Variants in PCDHGB4 observed in about 807,000 individuals in gnomAD.
The protein encoded by PCDHGB4 is protocadherin gamma-B4.
In PCDHGB4, 38 loss-of-function variants were observed where a neutral mutation model predicts 60.5. The observed-to-expected ratio is 0.63, with a 90% CI of 0.48 to 0.82. The LOEUF (loss-of-function observed/expected upper bound fraction) is 0.82. Ranked by LOEUF, PCDHGB4 falls within the 40% of genes least tolerant of loss-of-function variation. The probability of loss-of-function intolerance (pLI) is 0.00; values close to 1 mark genes in which losing one functional copy is unlikely to be tolerated. For synonymous variants in PCDHGB4, 456 were observed against 509.7 expected (o/e 0.89, Z 1.42); for missense variants, 1,109 against 1,209.6 (o/e 0.92, Z 1.23).
At position 141,477,019 on chromosome 5, in the gene PCDHGB4, C is replaced by T. The variant is rs148675327; in HGVS notation, c.2398-17788C>T. 1.9e-5 allele frequency: 30 copies of T among 1,614,242 alleles called. No individual in the cohort carries two copies. Among genetic ancestry groups the T allele is most frequent in the Non-Finnish European group, 2.5e-5 (30 of 1,180,048 alleles). On this transcript the variant is annotated intron_variant, in intron 1 of 3. Transcript: ENST00000519479. This position sits in a 1 kb window ranked among gnomAD's most constrained non-coding sequence, Gnocchi z 4.9. ...AACTATTCGCCTTAGACCTTGTAAC[C>T]GGGATGCTGACAATCAAGGGTCGGC...
rs1274502656 is a variant in PCDHGB4 at position 141,389,860 on chromosome 5, A to G, written c.1976A>G (p.His659Arg). 1.2e-6 allele frequency: 2 copies of G among 1,614,052 alleles called. No individual in the cohort carries two copies. Among genetic ancestry groups the G allele is most frequent in the African/African-American group, 2.7e-5 (2 of 75,072 alleles). ...CCACTCTCGGCCACTGCCACGTTGC[A>G]CCTGGTCTTCGCCGACAGCTTGCAG... ...QPPLSATATL[H>R]LVFADSLQEV... Residue 659 changes from histidine (H) to arginine (R), a missense_variant, in exon 1 of 4, where the codon CAC becomes CGC. His to Arg is a conservative substitution (Grantham distance 29). Transcript: ENST00000519479.
chr5:141,468,131 C>G (rs1006565854), intron 1 of PCDHGB4, among the ~76,000 whole-genome samples: 1 of 151,766 alleles, frequency 6.6e-6, no homozygotes, highest in African/African-American at 2.4e-5. Flanking sequence ...TTGAGACCAG[C>G]CTGGCCAACA....
intron 1 of PCDHGB4, chr5:141,403,694 C>A (rs746395931): frequency 2.5e-6 from 4 of 1,613,878 alleles, no homozygotes; most frequent in Admixed American, 1.7e-5. Context: ...ACGGATTTAC[C>A]GAGTTAAAGT....
chr5:141,478,927 C>T (rs2154577116), intron 1 of PCDHGB4: 2 of 690,162 alleles, frequency 2.9e-6, no homozygotes, highest in East Asian at 6.0e-5. Flanking sequence ...TAACCAGTGG[C>T]AGCTTCTAGG....
At chr5:141,509,096 T>C (rs1364889034) in intron 3 of PCDHGB4, among the ~76,000 whole-genome samples, 1 of 152,124 alleles carries the variant, frequency 6.6e-6, no homozygotes, top group African/African-American at 2.4e-5. Context: ...ATGGGGGCTG[T>C]AGAAACCTGA....
At chr5:141,448,639 T>C (rs1248697237) in intron 1 of PCDHGB4, among the ~76,000 whole-genome samples, 1 of 152,148 alleles carries the variant, frequency 6.6e-6, no homozygotes, top group Non-Finnish European at 1.5e-5. Context: ...CATTATATCC[T>C]TTAAAAATAT....
At chr5:141,399,751 G>T (rs564705346) in intron 1 of PCDHGB4, 2 of 1,613,322 alleles carry the variant, frequency 1.2e-6, no homozygotes, top group Non-Finnish European at 1.7e-6. Context: ...CAGCGCAAAC[G>T]TGAGCCTGCG....
intron 1 of PCDHGB4, chr5:141,427,842 C>A: frequency 6.5e-7 from 1 of 1,549,268 alleles, no homozygotes. Flanking sequence ...TGCCTTCGAC[C>A]ACGAGCAGCT....
intron 1 of PCDHGB4, chr5:141,391,513 C>T (rs1485140932): frequency 6.6e-6 from 1 of 152,096 alleles, no homozygotes; most frequent in Non-Finnish European, 1.5e-5. Flanking sequence ...TATTTTCTTT[C>T]ACTAATTTAA....
chr5:141,486,011 T>C lies in PCDHGB4; in HGVS notation c.2398-8796T>C. The C allele has an allele frequency of 6.2e-7, 1 of 1,614,188 alleles. No individual in the cohort carries two copies. Among genetic ancestry groups the C allele is most frequent in the Non-Finnish European group, 8.5e-7 (1 of 1,180,014 alleles). ...GGGTCCCAGTGGTAACGTCACCTTTTATTTCAGTGGTCATACCCCTGATCG... is the reference window on the plus strand; with the variant it reads ...GGGTCCCAGTGGTAACGTCACCTTTCATTTCAGTGGTCATACCCCTGATCG... On this transcript the variant is annotated intron_variant, in intron 1 of 3. Coordinates refer to ENST00000519479, the MANE Select transcript of PCDHGB4 (RefSeq NM_003736.4). This position sits in a 1 kb window ranked among gnomAD's most constrained non-coding sequence, Gnocchi z 5.0.
At chr5:141,429,814 T>C (rs554065871) in intron 1 of PCDHGB4, among the ~76,000 whole-genome samples, 3 of 152,322 alleles carry the variant, frequency 2.0e-5, no homozygotes, top group African/African-American at 7.2e-5. Flanking sequence ...TAATTACAAT[T>C]AGGTCAGTTA....
intron 1 of PCDHGB4, among the ~76,000 whole-genome samples, chr5:141,468,306 C>T (rs1006015063): frequency 9.5e-6 from 1 of 105,260 alleles, no homozygotes; most frequent in African/African-American, 3.7e-5. Context: ...GCCTGGGCAA[C>T]AAGAGCAACG....
rs1484954022 is a variant in PCDHGB4 at position 141,511,920 on chromosome 5, T to C, written c.*747T>C. 1 of 156,200 alleles carries C rather than the reference T, an allele frequency of 6.4e-6. No individual in the cohort carries two copies. Among genetic ancestry groups the C allele is most frequent in the Non-Finnish European group, 1.4e-5 (1 of 70,262 alleles). The allele number at this position is 156,200 out of a possible 1,614,324, so 9.7% of individuals were successfully genotyped here. The stretch of plus-strand genomic sequence containing the variant: ...CTCCTCCTCAAACAAGAGACTCCAC[T>C]GCATGTTCCAAGACAGTATGGGGTG... On this transcript the variant is annotated 3_prime_UTR_variant, in exon 4 of 4. Coordinates refer to ENST00000519479, the MANE Select transcript of PCDHGB4 (RefSeq NM_003736.4).
intron 1 of PCDHGB4, chr5:141,427,703 C>T (rs529490424): frequency 1.0e-6 from 1 of 957,508 alleles, no homozygotes. Flanking sequence ...CACAAGTCAG[C>T]GCCTCTGACC....
chr5:141,441,737 C>T lies in PCDHGB4; in HGVS notation c.2397+51456C>T, dbSNP rs2098268916. 5 of 365,122 alleles carry T rather than the reference C, an allele frequency of 1.4e-5. 1 individual carries two copies. The highest frequency in any genetic ancestry group is 1.1e-4 in the South Asian group (5 of 46,286). 22.6% of individuals were successfully genotyped at this position (365,122 alleles called of 1,614,324 possible). ...TGCAGGCCCGCGACCAGGACTAGCT[C>T]GCGCTCGGCGTCAACGTGAGCCTGC... On this transcript the variant is annotated intron_variant, in intron 1 of 3. Transcript: ENST00000519479.
chr5:141,501,182 C>A (rs531641143), intron 2 of PCDHGB4, among the ~76,000 whole-genome samples: 1 of 152,126 alleles, frequency 6.6e-6, no homozygotes, highest in Non-Finnish European at 1.5e-5. Context: ...TACATTTTAA[C>A]ACAATTAAAT....
intron 1 of PCDHGB4, chr5:141,393,237 AT>A: frequency 1.2e-6 from 2 of 1,613,802 alleles, no homozygotes; most frequent in South Asian, 1.1e-5. Flanking sequence ...AGAAGTAAAA[AT>A]TAACGAAATC....
intron 1 of PCDHGB4, among the ~76,000 whole-genome samples, chr5:141,435,619 T>A (rs2097772280): frequency 6.6e-6 from 1 of 152,190 alleles, no homozygotes; most frequent in Non-Finnish European, 1.5e-5. Context: ...AAATTCCCCA[T>A]AACTTTTACA....
chr5:141,429,389 A>T (rs6890456), intron 1 of PCDHGB4, among the ~76,000 whole-genome samples: 7,460 of 147,570 alleles, frequency 0.051, 197 homozygotes, highest in South Asian at 0.075. Flanking sequence ...TTTTTTTTTA[A>T]AAAAAATTGA....
Sources: gnomAD v4.1 joint callset for allele counts (sites outside exome capture counted in the v4.1 genomes callset) on GRCh38, gnomAD v4.1.1 for gene constraint, Gnocchi (gnomAD v3.1) non-coding constraint, MANE v1.5 for transcripts, NCBI Gene and HGNC (gene_info 2026-07-23, HGNC 2026-07-21) for gene names.